Variants in VAV3 observed in about 807,000 individuals in gnomAD.
The protein encoded by VAV3 is guanine nucleotide exchange factor VAV3.
Under a neutral mutation model 131.2 loss-of-function variants are expected in VAV3, and 94 were observed. The ratio of observed to expected loss-of-function variants is 0.72; its 90% CI spans 0.61 to 0.85. The LOEUF is 0.85. VAV3 is among the 40% of genes least tolerant of loss of function. VAV3 has a pLI of 0.00. For synonymous variants in VAV3, 349 were observed against 342.0 expected (o/e 1.02, Z -0.22); for missense variants, 939 against 1,002.7 (o/e 0.94, Z 0.86).
chr1:107,872,689 C>A (rs568293605), intron 2 of VAV3, among the ~76,000 whole-genome samples: 6 of 152,118 alleles, frequency 3.9e-5, no homozygotes, highest in Non-Finnish European at 8.8e-5. Flanking sequence ...ATGCAAAGTA[C>A]ACGTTATGTG....
At chr1:107,624,336 G>A (rs1372830314) in intron 20 of VAV3, among the ~76,000 whole-genome samples, 1 of 150,946 alleles carries the variant, frequency 6.6e-6, no homozygotes, top group Non-Finnish European at 1.5e-5. Context: ...TCACTGGGTG[G>A]GATGTACATG....
At chr1:107,835,447 T>C (rs1447625964) in intron 2 of VAV3, among the ~76,000 whole-genome samples, 5 of 152,028 alleles carry the variant, frequency 3.3e-5, no homozygotes, top group Admixed American at 6.6e-5. Flanking sequence ...CTCTGAACAC[T>C]GAGAAGAGTG....
intron 25 of VAV3, among the ~76,000 whole-genome samples, chr1:107,586,729 C>T (rs1650526392): frequency 6.6e-6 from 1 of 151,960 alleles, no homozygotes; most frequent in Non-Finnish European, 1.5e-5. Flanking sequence ...GGGGAAAGAA[C>T]ATACCAGATG....
At chr1:107,909,202 AAGACTCTT>A (rs1170073689) in intron 1 of VAV3, among the ~76,000 whole-genome samples, 3 of 152,208 alleles carry the variant, frequency 2.0e-5, no homozygotes, top group African/African-American at 7.2e-5. Context: ...GTTCATTTCT[AAGACTCTT>A]AGCAAAAAGA....
At chr1:107,845,841 G>A (rs1379715131) in intron 2 of VAV3, among the ~76,000 whole-genome samples, 1 of 152,220 alleles carries the variant, frequency 6.6e-6, no homozygotes, top group African/African-American at 2.4e-5. Context: ...ACCTGAAAGT[G>A]ACAGGGAGAA....
chr1:107,843,895 G>C (rs1398359622), intron 2 of VAV3, among the ~76,000 whole-genome samples: 1 of 152,074 alleles, frequency 6.6e-6, no homozygotes, highest in Non-Finnish European at 1.5e-5. Flanking sequence ...AGGGAGAAGA[G>C]AATGAACTTC....
chr1:107,766,573 A>C, intron 7 of VAV3, 23 bp from the exon 8 acceptor site: 3 of 1,593,972 alleles, frequency 1.9e-6, no homozygotes, highest in Non-Finnish European at 2.6e-6. Flanking sequence ...AACAATGTGA[A>C]AGGAAAGTAG....
At chr1:107,728,144 T>C (rs1006227420) in intron 15 of VAV3, among the ~76,000 whole-genome samples, 6 of 151,938 alleles carry the variant, frequency 3.9e-5, no homozygotes, top group East Asian at 1.9e-4. Flanking sequence ...CCACTGGAGG[T>C]TGGTTGAGTC....
chr1:107,798,718 C>CAAA (rs57288177), intron 2 of VAV3, among the ~76,000 whole-genome samples: 3 of 49,516 alleles, frequency 6.1e-5, no homozygotes, highest in Non-Finnish European at 1.0e-4. Flanking sequence ...GACTCCCTCT[C>CAAA]AAAAAAAAAA....
At chr1:107,762,852 G>A (rs1054015036) in intron 9 of VAV3, among the ~76,000 whole-genome samples, 1 of 152,114 alleles carries the variant, frequency 6.6e-6, no homozygotes, top group Non-Finnish European at 1.5e-5. Flanking sequence ...TAAATAATGG[G>A]TAGAAAGAAT....
intron 1 of VAV3, among the ~76,000 whole-genome samples, chr1:107,953,839 T>C (rs574468918): frequency 6.6e-5 from 10 of 152,334 alleles, no homozygotes; most frequent in African/African-American, 2.4e-4. Context: ...GTATCAAGTG[T>C]ATCATTAAAT....
chr1:107,785,691 G>A (rs537376206), intron 2 of VAV3: 23 of 1,099,566 alleles, frequency 2.1e-5, no homozygotes, highest in Non-Finnish European at 2.5e-5. Flanking sequence ...GGAACTGGGA[G>A]TGTGGGCATG....
chr1:107,674,399 T>C (rs748028775), intron 19 of VAV3, among the ~76,000 whole-genome samples: 3 of 152,182 alleles, frequency 2.0e-5, no homozygotes, highest in African/African-American at 4.8e-5. Flanking sequence ...AATTTCAGAT[T>C]AACATTTTCA....
intron 15 of VAV3, among the ~76,000 whole-genome samples, chr1:107,717,724 G>A (rs1661200190): frequency 2.0e-5 from 3 of 152,168 alleles, no homozygotes; most frequent in Admixed American, 2.0e-4. Context: ...GTTGATTTGT[G>A]GTGGAGAGTT....
In VAV3 at chr1:107,675,516, A is replaced by G. The variant is rs529740030; in HGVS notation, c.1777+7972T>C. 3.9e-5 allele frequency among the ~76,000 whole-genome samples: 6 copies of G among 152,308 alleles called. No homozygotes were observed. The South Asian group carries it at 1.2e-3, about 32-fold the overall frequency. ...AGATTAAAAGTGCTATTATGCATGA[A>G]TATGTTTAATACAGATAAAATTTAA... On this transcript the variant is annotated intron_variant, in intron 19 of 26. Coordinates refer to ENST00000370056, the MANE Select transcript of VAV3 (RefSeq NM_006113.5).
At chr1:107,658,365 G>T (rs947082411) in intron 19 of VAV3, among the ~76,000 whole-genome samples, 2 of 152,142 alleles carry the variant, frequency 1.3e-5, no homozygotes, top group Non-Finnish European at 2.9e-5. Flanking sequence ...ACATTTGGGT[G>T]GGTTTCAAGT....
rs528480547 is a variant in VAV3, at chr1:107,705,714, C to A, written c.1503-653G>T. 1.9e-4 allele frequency among the ~76,000 whole-genome samples: 29 copies of A among 152,282 alleles called. No homozygotes were observed. The South Asian group carries it at 5.8e-3, about 31-fold the overall frequency. Reference sequence around the variant, plus strand: ...TTCTTTGTATATTTACTCTGTGCCACAGACTGTGACAACCATATGACATTC... The same window carrying A: ...TTCTTTGTATATTTACTCTGTGCCAAAGACTGTGACAACCATATGACATTC... On this transcript the variant is annotated intron_variant, in intron 15 of 26. Coordinates refer to ENST00000370056, the MANE Select transcript of VAV3 (RefSeq NM_006113.5).
chr1:107,580,911 T>G (rs1234867745), intron 25 of VAV3, among the ~76,000 whole-genome samples: 1 of 152,172 alleles, frequency 6.6e-6, no homozygotes, highest in Non-Finnish European at 1.5e-5. Context: ...AAACTCCTCC[T>G]ACCACACCAA....
At chr1:107,764,570 A>C (rs1664630268) in intron 9 of VAV3, among the ~76,000 whole-genome samples, 1 of 152,106 alleles carries the variant, frequency 6.6e-6, no homozygotes, top group Non-Finnish European at 1.5e-5. Flanking sequence ...CCCTGGCTGG[A>C]GTGCAATGGT....
Sources: gnomAD v4.1 joint callset for allele counts (sites outside exome capture counted in the v4.1 genomes callset) on GRCh38, gnomAD v4.1.1 for gene constraint, MANE v1.5 for transcripts, NCBI Gene and HGNC (gene_info 2026-07-23, HGNC 2026-07-21) for gene names.